Variants in CSMD3 observed in about 807,000 individuals in gnomAD.
CSMD3 encodes CUB and Sushi multiple domains 3, also known as CUB and sushi domain-containing protein 3.
CSMD3 carries 177 observed loss-of-function variants against 435.2 expected under a neutral mutation model. That is an observed-to-expected ratio of 0.41 (90% CI 0.36 to 0.46). The LOEUF (loss-of-function observed/expected upper bound fraction) is 0.46, where lower values mean the gene tolerates loss of function less well. Ranked by LOEUF, CSMD3 falls within the 20% of genes least tolerant of loss-of-function variation. The probability of loss-of-function intolerance (pLI) is 0.34; values close to 1 mark genes in which losing one functional copy is unlikely to be tolerated. For missense variants in CSMD3, 4,265 were observed against 4,504.6 expected (o/e 0.95, Z 1.52); for synonymous variants, 1,656 against 1,520.5 (o/e 1.09, Z -2.07).
At chr8:113,048,375 G>A (rs1451777552) in intron 5 of CSMD3, among the ~76,000 whole-genome samples, 2 of 152,140 alleles carry the variant, frequency 1.3e-5, no homozygotes, top group African/African-American at 2.4e-5. Context: ...TTACAGGCGT[G>A]AGCCACCGCG....
At chr8:112,904,831 C>G (rs540439111) in intron 10 of CSMD3, among the ~76,000 whole-genome samples, 2 of 151,296 alleles carry the variant, frequency 1.3e-5, no homozygotes, top group East Asian at 3.9e-4. Context: ...AGATTTGGGA[C>G]AAGTGCAAAG....
chr8:113,157,575 GTTACTTAGATTTTTCTTTCT>G (rs1286720280), intron 4 of CSMD3, among the ~76,000 whole-genome samples: 1 of 152,028 alleles, frequency 6.6e-6, no homozygotes, highest in Non-Finnish European at 1.5e-5. Flanking sequence ...AACACTTAAA[GTTACTTAGATTTTTCTTTCT>G]TTAAAAAATC....
In CSMD3 at chr8:113,274,698, C is replaced by T. The variant is rs576853255; in HGVS notation, c.514+3894G>A. On this transcript the variant is annotated intron_variant, in intron 3 of 70. Coordinates refer to ENST00000297405, the MANE Select transcript of CSMD3 (RefSeq NM_198123.2). ...GTCTTGAAAGATCTCATAGTAGTTA[C>T]AGCACATTACCTTAACTGAGAATAA... 3.3e-5 allele frequency among the ~76,000 whole-genome samples: 5 copies of T among 152,142 alleles called. No individual in the cohort carries two copies. In the East Asian group the frequency reaches 9.7e-4, roughly 29 times the overall value.
chr8:112,839,383 A>T (rs1234019075), intron 11 of CSMD3, among the ~76,000 whole-genome samples: 1 of 151,826 alleles, frequency 6.6e-6, no homozygotes, highest in Non-Finnish European at 1.5e-5. Flanking sequence ...TAAAATGAAA[A>T]ATTCATCAAA....
intron 3 of CSMD3, among the ~76,000 whole-genome samples, chr8:113,218,777 C>T (rs747366336): frequency 9.9e-5 from 15 of 151,268 alleles, no homozygotes; most frequent in Non-Finnish European, 5.9e-5. Context: ...ATCCAAAATG[C>T]TTGGGGCCAG....
intron 27 of CSMD3, among the ~76,000 whole-genome samples, chr8:112,518,404 A>G (rs1823906570): frequency 1.3e-5 from 2 of 151,954 alleles, no homozygotes; most frequent in Admixed American, 1.3e-4. Flanking sequence ...GCTACTTGAG[A>G]GGCTGAGTTG....
rs1587502160 is a variant in CSMD3 at position 112,861,170 on chromosome 8, T to G, written c.1634-1904A>C. Among the ~76,000 whole-genome samples the G allele has an allele frequency of 2.0e-5, 3 of 151,858 alleles. No homozygotes were observed. The East Asian group carries it at 5.8e-4, about 29-fold the overall frequency. ...TTCTCTTCCCAGTGTCCAGTGCTTC[T>G]TCCTCATTTTTCTTGTACTGATAAT... On this transcript the variant is annotated intron_variant, in intron 10 of 70. Coordinates refer to ENST00000297405, the MANE Select transcript of CSMD3 (RefSeq NM_198123.2).
chr8:112,390,347 G>A (rs895891646), intron 36 of CSMD3, among the ~76,000 whole-genome samples: 1 of 152,120 alleles, frequency 6.6e-6, no homozygotes, highest in African/African-American at 2.4e-5. Context: ...GGCTGAGCAT[G>A]GCAGAACAGA....
intron 5 of CSMD3, among the ~76,000 whole-genome samples, chr8:113,033,238 T>G (rs2087196352): frequency 6.6e-6 from 1 of 151,556 alleles, no homozygotes; most frequent in Admixed American, 6.6e-5. Context: ...AAGGTAGATC[T>G]AACGACAGTC....
chr8:112,996,727 G>A (rs2085667295), intron 6 of CSMD3, among the ~76,000 whole-genome samples: 1 of 151,534 alleles, frequency 6.6e-6, no homozygotes, highest in East Asian at 1.9e-4. Context: ...CTATATCTTA[G>A]CAGGTTTTTA....
chr8:112,985,252 A>T (rs929663421), intron 6 of CSMD3, among the ~76,000 whole-genome samples: 1 of 152,118 alleles, frequency 6.6e-6, no homozygotes, highest in Admixed American at 6.6e-5. Context: ...TACATGAGGG[A>T]TAAAATAACA....
At chr8:112,377,865 T>C (rs1030757474) in intron 38 of CSMD3, among the ~76,000 whole-genome samples, 4 of 151,982 alleles carry the variant, frequency 2.6e-5, no homozygotes, top group Non-Finnish European at 5.9e-5. Context: ...ATAAAGACCA[T>C]ATATGAAAAG....
chr8:112,897,274 T>C (rs527393352), intron 10 of CSMD3, among the ~76,000 whole-genome samples: 1 of 151,570 alleles, frequency 6.6e-6, no homozygotes, highest in South Asian at 2.1e-4. Context: ...ACAGAGACCA[T>C]GTCCATTATT....
intron 13 of CSMD3, among the ~76,000 whole-genome samples, chr8:112,721,057 C>G (rs796138258): frequency 2.6e-5 from 4 of 152,136 alleles, no homozygotes; most frequent in African/African-American, 9.6e-5. Context: ...AAGTTAGTGT[C>G]CATATATATG....
chr8:112,498,083 T>C (rs1018314447), intron 30 of CSMD3, among the ~76,000 whole-genome samples: 3 of 152,148 alleles, frequency 2.0e-5, no homozygotes, highest in African/African-American at 7.2e-5. Context: ...CCTATACTTA[T>C]ATTTTTCTTT....
At chr8:112,311,634 C>T (rs1234406070) in intron 49 of CSMD3, among the ~76,000 whole-genome samples, 1 of 152,118 alleles carries the variant, frequency 6.6e-6, no homozygotes, top group African/African-American at 2.4e-5. Flanking sequence ...CTAAAATAAG[C>T]CCCCACATTC....
intron 25 of CSMD3, 115 bp from the exon 26 acceptor site, chr8:112,552,835 A>C: frequency 1.2e-6 from 1 of 864,452 alleles, no homozygotes; most frequent in Non-Finnish European, 1.8e-6. Context: ...TCTTTAAAGT[A>C]TACATTTGTA....
At chr8:112,369,398 T>C (rs1286328110) in intron 38 of CSMD3, among the ~76,000 whole-genome samples, 1 of 152,134 alleles carries the variant, frequency 6.6e-6, no homozygotes. Context: ...TAATAAGCAA[T>C]TAACAAAAGA....
At chr8:112,751,434 C>G (rs1335231047) in intron 13 of CSMD3, among the ~76,000 whole-genome samples, 1 of 152,058 alleles carries the variant, frequency 6.6e-6, no homozygotes, top group Non-Finnish European at 1.5e-5. Flanking sequence ...GAAGAAAATA[C>G]TTATAAGAAT....
Sources: gnomAD v4.1 joint callset for allele counts (sites outside exome capture counted in the v4.1 genomes callset) on GRCh38, gnomAD v4.1.1 for gene constraint, MANE v1.5 for transcripts, NCBI Gene and HGNC (gene_info 2026-07-23, HGNC 2026-07-21) for gene names.